TMEM17: variants seen among roughly 807,000 people sequenced by gnomAD.
TMEM17 encodes transmembrane protein 17.
A neutral mutation model predicts 19.1 loss-of-function variants in TMEM17; 15 were observed. The observed-to-expected ratio is 0.78, with a 90% CI of 0.52 to 1.21. The LOEUF is 1.21. TMEM17 is among the 50% of genes most tolerant of loss of function. TMEM17 has a pLI of 0.00. For missense variants in TMEM17, 245 were observed against 242.3 expected (o/e 1.01, Z -0.07); for synonymous variants, 103 against 86.9 (o/e 1.19, Z -1.03).
chr2:62,501,260 AGAGAGCCG>A lies in TMEM17; in HGVS notation c.538_545del (p.Arg180CysfsTer22). 1 of 1,614,228 alleles carries A rather than the reference AGAGAGCCG, an allele frequency of 6.2e-7. No individual in the cohort carries two copies. The highest frequency in any genetic ancestry group is 8.5e-7 in the Non-Finnish European group (1 of 1,180,042). ...TCCTTCTCATGTCTCCTCTGTTTGC[AGAGAGCCG>A]GTCAAAGTCTTGGAGGTGGAAACGA... On this transcript the variant is annotated frameshift_variant, in exon 4 of 4. Coordinates refer to ENST00000335390, the MANE Select transcript of TMEM17 (RefSeq NM_198276.3). LOFTEE classifies it high-confidence loss of function.
At chr2:62,499,052 C>G (rs986226339), downstream of TMEM17, among the ~76,000 whole-genome samples, 3 of 152,120 alleles carry the variant, frequency 2.0e-5, no homozygotes, top group Admixed American at 6.5e-5. Context: ...GAAAAACAAA[C>G]AAATGACTTG....
At chr2:62,474,314 G>A in the TMEM17 span, among the ~76,000 whole-genome samples, 1 of 152,074 alleles carries the variant, frequency 6.6e-6, no homozygotes, top group Middle Eastern at 3.2e-3. Flanking sequence ...TATATCTGTG[G>A]TGAGAATAGC....
chr2:62,462,210 A>C, the TMEM17 span, among the ~76,000 whole-genome samples: 1 of 150,182 alleles, frequency 6.7e-6, no homozygotes, highest in Non-Finnish European at 1.5e-5. Flanking sequence ...CCCACATCAC[A>C]CTCTCTGACC....
chr2:62,498,513 G>A (rs1053180742), downstream of TMEM17, among the ~76,000 whole-genome samples: 3 of 150,578 alleles, frequency 2.0e-5, no homozygotes, highest in African/African-American at 7.3e-5. Context: ...TCAGGAGATC[G>A]AGACCATCCC....
chr2:62,467,977 C>A, the TMEM17 span, among the ~76,000 whole-genome samples: 1 of 151,192 alleles, frequency 6.6e-6, no homozygotes, highest in Non-Finnish European at 1.5e-5. Flanking sequence ...TCAGAGGAAG[C>A]AAATCCTCGG....
At chr2:62,488,913 T>C in the TMEM17 span, among the ~76,000 whole-genome samples, 1 of 151,450 alleles carries the variant, frequency 6.6e-6, no homozygotes, top group African/African-American at 2.4e-5. Context: ...GAACACCCTA[T>C]TGGGGTACTT....
At chr2:62,497,242 A>T (rs1049956567), downstream of TMEM17, among the ~76,000 whole-genome samples, 1 of 152,168 alleles carries the variant, frequency 6.6e-6, no homozygotes, top group African/African-American at 2.4e-5. Flanking sequence ...AAACCTTTCA[A>T]TCCATTTTTC....
At chr2:62,481,574 C>T in the TMEM17 span, among the ~76,000 whole-genome samples, 1 of 152,142 alleles carries the variant, frequency 6.6e-6, no homozygotes, top group South Asian at 2.1e-4. Context: ...GGGTTTGTCA[C>T]ACATGGCCTT....
chr2:62,456,726 T>A, the TMEM17 span, among the ~76,000 whole-genome samples: 1 of 152,254 alleles, frequency 6.6e-6, no homozygotes, highest in African/African-American at 2.4e-5. Context: ...GACATCAGGC[T>A]GAAGGAAGTC....
the TMEM17 span, among the ~76,000 whole-genome samples, chr2:62,481,256 A>G: frequency 6.6e-6 from 1 of 152,056 alleles, no homozygotes; most frequent in Non-Finnish European, 1.5e-5. Context: ...TTCATTGCAT[A>G]TAGAAACATT....
chr2:62,457,406 G>C, the TMEM17 span, among the ~76,000 whole-genome samples: 1 of 152,146 alleles, frequency 6.6e-6, no homozygotes, highest in African/African-American at 2.4e-5. This position sits in a 1 kb window ranked among gnomAD's most constrained non-coding sequence, Gnocchi z 4.2. Flanking sequence ...TGGGTGCGGC[G>C]GGAAGGCCCC....
chr2:62,483,217 T>C, the TMEM17 span, among the ~76,000 whole-genome samples: 1 of 152,214 alleles, frequency 6.6e-6, no homozygotes, highest in East Asian at 1.9e-4. Flanking sequence ...CATCTGGGCT[T>C]ACAGCAGGCT....
chr2:62,497,954 G>T (rs1679814220), downstream of TMEM17, among the ~76,000 whole-genome samples: 1 of 152,174 alleles, frequency 6.6e-6, no homozygotes. Flanking sequence ...TTGTCTTAAG[G>T]TTGTACAAAT....
the TMEM17 span, among the ~76,000 whole-genome samples, chr2:62,472,075 G>T: frequency 6.6e-6 from 1 of 152,262 alleles, no homozygotes; most frequent in Non-Finnish European, 1.5e-5. Flanking sequence ...GCAGGTTGCT[G>T]AGAGTGTGGG....
chr2:62,465,011 C>G, the TMEM17 span, among the ~76,000 whole-genome samples: 2 of 152,112 alleles, frequency 1.3e-5, no homozygotes, highest in Non-Finnish European at 2.9e-5. Flanking sequence ...TAGCCTCCAG[C>G]TGAATGACTC....
At chr2:62,476,733 AG>A in the TMEM17 span, among the ~76,000 whole-genome samples, 1 of 152,224 alleles carries the variant, frequency 6.6e-6, no homozygotes, top group Non-Finnish European at 1.5e-5. Context: ...GGCCTGGACA[AG>A]GGGAATTTAG....
chr2:62,472,604 A>G, the TMEM17 span, among the ~76,000 whole-genome samples: 22 of 152,018 alleles, frequency 1.4e-4, no homozygotes, highest in Non-Finnish European at 1.8e-4. Flanking sequence ...TCCAAAACAG[A>G]TGTATTTCCC....
chr2:62,506,163 A>G lies in TMEM17; in HGVS notation c.-34T>C, dbSNP rs774873924. The G allele has an allele frequency of 1.2e-5, 19 of 1,551,104 alleles. No individual in the cohort carries two copies. The highest frequency in any genetic ancestry group is 1.5e-5 in the Non-Finnish European group (17 of 1,141,716). On this transcript the variant is annotated 5_prime_UTR_variant, in exon 1 of 4. Coordinates refer to ENST00000335390, the MANE Select transcript of TMEM17 (RefSeq NM_198276.3). ...CTCAGTATCCCTCACCCCCTCAGAC[A>G]CGGGCTAGTCTGCGGGCGCTCCGAG...
At position 62,501,341 on chromosome 2, in the gene TMEM17, A is replaced by G. The variant is rs747760205; in HGVS notation, c.465T>C (p.Val155=). ...TCCTTAAGGTAAGAAATGCTGCAAC[A>G]ACTTGGAAAGCAAGGAAGAGAGTGA... The part of the protein sequence containing the change: ...IIFTLFLAFQ[V]VAAFLTLRKM... Residue 155 remains valine, a synonymous_variant, in exon 4 of 4, where the codon GTT becomes GTC. Coordinates refer to ENST00000335390, the MANE Select transcript of TMEM17 (RefSeq NM_198276.3). The G allele has an allele frequency of 6.2e-7, 1 of 1,614,222 alleles. No homozygotes were observed. The highest frequency in any genetic ancestry group is 2.2e-5 in the East Asian group (1 of 44,884).
Sources: gnomAD v4.1 joint callset for allele counts (sites outside exome capture counted in the v4.1 genomes callset) on GRCh38, gnomAD v4.1.1 for gene constraint, Gnocchi (gnomAD v3.1) non-coding constraint, MANE v1.5 for transcripts, NCBI Gene and HGNC (gene_info 2026-07-23, HGNC 2026-07-21) for gene names.